Variants in CCDC138 observed in about 807,000 individuals in gnomAD.
The protein encoded by CCDC138 is coiled-coil domain containing 138.
In CCDC138, 66 loss-of-function variants were observed where a neutral mutation model predicts 82.3. The ratio of observed to expected loss-of-function variants is 0.80; its 90% CI spans 0.66 to 0.98. The LOEUF (loss-of-function observed/expected upper bound fraction) is 0.98, where lower values mean the gene tolerates loss of function less well. CCDC138 is among the 50% of genes least tolerant of loss of function. The pLI is 0.00. For synonymous variants in CCDC138, 297 were observed against 265.4 expected, an observed-to-expected ratio of 1.12 and a Z score of -1.16; for missense variants, 816 against 758.9, an observed-to-expected ratio of 1.08 and a Z score of -0.88.
At chr2:108,863,478 C>G (rs1038184664) in intron 13 of CCDC138, among the ~76,000 whole-genome samples, 1 of 152,090 alleles carries the variant, frequency 6.6e-6, no homozygotes. Context: ...TTAGTGAGGG[C>G]AGAGAAGTAG....
intron 13 of CCDC138, among the ~76,000 whole-genome samples, chr2:108,871,897 C>T (rs1382148789): frequency 6.6e-6 from 1 of 152,090 alleles, no homozygotes; most frequent in Admixed American, 6.5e-5. Context: ...TTTATTTTCT[C>T]TAGTTTTACA....
chr2:108,884,883 A>G (rs752420817), intron 2 of CCDC138: 21 of 151,144 alleles, frequency 1.4e-4, no homozygotes, highest in Middle Eastern at 6.8e-3. Context: ...TCGTTGAAAC[A>G]CCTCTGCTCT....
At chr2:108,798,127 A>G (rs781236979) in intron 5 of CCDC138, among the ~76,000 whole-genome samples, 2 of 152,162 alleles carry the variant, frequency 1.3e-5, no homozygotes, top group African/African-American at 2.4e-5. Context: ...GTGGAAGCAG[A>G]GCATGGAATT....
intron 5 of CCDC138, among the ~76,000 whole-genome samples, chr2:108,797,231 T>C (rs1182758004): frequency 6.6e-6 from 1 of 151,950 alleles, no homozygotes; most frequent in Non-Finnish European, 1.5e-5. Flanking sequence ...TAAGTGACAG[T>C]AGAGGAAGCA....
Position 108,850,009 on chromosome 2 carries a change from G to A in CCDC138, c.1516+3079G>A, listed in dbSNP as rs532173667. Among the ~76,000 whole-genome samples the A allele has an allele frequency of 1.2e-4, 18 of 152,310 alleles. No individual in the cohort carries two copies. The East Asian group carries it at 3.3e-3, about 28-fold the overall frequency. On this transcript the variant is annotated intron_variant, in intron 12 of 14. Coordinates refer to ENST00000295124, the MANE Select transcript of CCDC138 (RefSeq NM_144978.3). ...GGGCCAGTGAATACAAGTGTAAAAGGGGCCTTTGTCCTGGCCAAATCCCAG... is the reference window on the plus strand; with the variant it reads ...GGGCCAGTGAATACAAGTGTAAAAGAGGCCTTTGTCCTGGCCAAATCCCAG...
intron 13 of CCDC138, among the ~76,000 whole-genome samples, chr2:108,859,244 G>A (rs184918186): frequency 1.3e-5 from 2 of 152,128 alleles, no homozygotes; most frequent in East Asian, 3.9e-4. Context: ...ACTTTTTAAC[G>A]GGGTTGCTTT....
chr2:108,786,959 G>A (rs576478641), intron 1 of CCDC138, 44 bp downstream of exon 1: 2 of 1,364,578 alleles, frequency 1.5e-6, no homozygotes, highest in Non-Finnish European at 1.9e-6. Context: ...CCTGCTGCTG[G>A]GGGGCGGCCC....
intron 14 of CCDC138, 43 bp from the exon 15 acceptor site, chr2:108,876,041 ACTCT>A (rs1246910995): frequency 1.6e-6 from 2 of 1,253,284 alleles, no homozygotes; most frequent in Middle Eastern, 2.5e-4. Flanking sequence ...TTGCAGATAA[ACTCT>A]CTAAGTATGT....
At chr2:108,854,017 A>T (rs868113907) in intron 12 of CCDC138, among the ~76,000 whole-genome samples, 3 of 114,364 alleles carry the variant, frequency 2.6e-5, no homozygotes, top group Non-Finnish European at 3.5e-5. Context: ...TATAATATAT[A>T]ATAAATTTAT....
At chr2:108,825,674 TATAAC>T (rs1326096497) in intron 10 of CCDC138, among the ~76,000 whole-genome samples, 2 of 152,228 alleles carry the variant, frequency 1.3e-5, no homozygotes, top group Non-Finnish European at 2.9e-5. Flanking sequence ...ATAATATAGA[TATAAC>T]ATTTTATTTA....
chr2:108,854,651 A>G (rs932238341), intron 12 of CCDC138, among the ~76,000 whole-genome samples: 4 of 152,176 alleles, frequency 2.6e-5, no homozygotes, highest in Admixed American at 2.6e-4. Flanking sequence ...TTACCAGCTC[A>G]CAATTCTTTG....
At chr2:108,803,343 A>G (rs1467443014) in intron 6 of CCDC138, among the ~76,000 whole-genome samples, 4 of 152,248 alleles carry the variant, frequency 2.6e-5, no homozygotes, top group Admixed American at 6.5e-5. Context: ...ACTCTGGCTC[A>G]TAGAGGCCCC....
intron 1 of CCDC138, among the ~76,000 whole-genome samples, chr2:108,787,436 A>G (rs1015879481): frequency 1.9e-4 from 29 of 152,012 alleles, no homozygotes; most frequent in African/African-American, 7.0e-4. Flanking sequence ...ATGCCCCTTT[A>G]CCTCTGAATA....
In CCDC138 at chr2:108,791,725, A is replaced by C; in HGVS notation, c.317A>C (p.Glu106Ala). The C allele has an allele frequency of 1.9e-6, 3 of 1,606,668 alleles. No homozygotes were observed. Among genetic ancestry groups the C allele is most frequent in the Non-Finnish European group, 8.5e-7 (1 of 1,175,188 alleles). ...SFHDLKKQETEEELIENDYRV... is the reference protein window; with the variant it reads ...SFHDLKKQETAEELIENDYRV... ...CATGATTTGAAGAAACAGGAAACAG[A>C]AGAAGAGTTAATTGAAAATGATTAT... The change falls in exon 4 of 15, where the codon GAA becomes GCA. Residue 106 changes from glutamate to alanine, a missense_variant. Glu to Ala is a moderately radical substitution (Grantham distance 107). Coordinates refer to ENST00000295124, the MANE Select transcript of CCDC138 (RefSeq NM_144978.3).
intron 10 of CCDC138, among the ~76,000 whole-genome samples, chr2:108,826,424 A>C (rs929695026): frequency 6.6e-6 from 1 of 152,068 alleles, no homozygotes; most frequent in Non-Finnish European, 1.5e-5. Flanking sequence ...ATTTTGAGTT[A>C]GTTTTCATAT....
At chr2:108,853,064 A>G (rs556668083) in intron 12 of CCDC138, among the ~76,000 whole-genome samples, 1 of 152,344 alleles carries the variant, frequency 6.6e-6, no homozygotes, top group African/African-American at 2.4e-5. Context: ...TACCTTAAGA[A>G]ATAATTGCAA....
chr2:108,840,540 C>T (rs1585709), intron 11 of CCDC138, among the ~76,000 whole-genome samples: 5 of 152,130 alleles, frequency 3.3e-5, no homozygotes, highest in South Asian at 2.1e-4. Context: ...TAATTCATAT[C>T]GATGATTTGT....
chr2:108,857,986 T>G (rs1427593451), intron 13 of CCDC138, among the ~76,000 whole-genome samples: 2 of 152,222 alleles, frequency 1.3e-5, no homozygotes, highest in Non-Finnish European at 2.9e-5. Flanking sequence ...AATGCAAATT[T>G]GAATAAAGTC....
intron 13 of CCDC138, among the ~76,000 whole-genome samples, chr2:108,860,550 A>C (rs1246325269): frequency 2.0e-5 from 3 of 148,360 alleles, no homozygotes; most frequent in Non-Finnish European, 4.5e-5. Flanking sequence ...GTTGGATTTT[A>C]TCTCATGTTT....
Sources: gnomAD v4.1 joint callset for allele counts (sites outside exome capture counted in the v4.1 genomes callset) on GRCh38, gnomAD v4.1.1 for gene constraint, MANE v1.5 for transcripts, NCBI Gene and HGNC (gene_info 2026-07-23, HGNC 2026-07-21) for gene names.